RALGAPA2: variants seen among roughly 807,000 people sequenced by gnomAD.
The protein encoded by RALGAPA2 is ral GTPase-activating protein subunit alpha-2.
RALGAPA2 carries 139 observed loss-of-function variants against 230.4 expected under a neutral mutation model. The observed-to-expected ratio is 0.60, with a 90% CI of 0.53 to 0.69. RALGAPA2 has a LOEUF of 0.69. RALGAPA2 is among the 30% of genes least tolerant of loss of function. The probability of loss-of-function intolerance (pLI) is 0.00; values close to 1 mark genes in which losing one functional copy is unlikely to be tolerated. For missense variants in RALGAPA2, 2,163 were observed against 2,276.0 expected (o/e 0.95, Z 1.01); for synonymous variants, 847 against 837.8 (o/e 1.01, Z -0.19).
At chr20:20,513,472 A>G (rs536322609) in intron 31 of RALGAPA2, among the ~76,000 whole-genome samples, 188 bp from the exon 32 acceptor site, 5 of 152,300 alleles carry the variant, frequency 3.3e-5, no homozygotes, top group African/African-American at 1.2e-4. Context: ...TAATTCAGGA[A>G]GGAAAATGGG....
chr20:20,501,445 G>A (rs2062373876), intron 35 of RALGAPA2, among the ~76,000 whole-genome samples: 1 of 152,180 alleles, frequency 6.6e-6, no homozygotes, highest in Non-Finnish European at 1.5e-5. Context: ...ACCTCGGCAA[G>A]CTTCAAACTT....
At chr20:20,602,565 G>A (rs1035339758) in intron 15 of RALGAPA2, among the ~76,000 whole-genome samples, 2 of 152,220 alleles carry the variant, frequency 1.3e-5, no homozygotes, top group African/African-American at 4.8e-5. Context: ...TCCACACCCA[G>A]TTTCCTCTGC....
chr20:20,435,478 A>T (rs1380463751), intron 37 of RALGAPA2, among the ~76,000 whole-genome samples: 3 of 152,232 alleles, frequency 2.0e-5, no homozygotes, highest in Admixed American at 2.0e-4. Flanking sequence ...ACAGAGCAAA[A>T]AAGGAAGGAC....
chr20:20,445,934 C>T (rs916128877), intron 37 of RALGAPA2, among the ~76,000 whole-genome samples: 7 of 152,014 alleles, frequency 4.6e-5, no homozygotes, highest in African/African-American at 1.7e-4. Flanking sequence ...CTAAACAATG[C>T]ACATTTGCTT....
At chr20:20,705,283 T>G (rs1380516442) in intron 1 of RALGAPA2, among the ~76,000 whole-genome samples, 2 of 152,306 alleles carry the variant, frequency 1.3e-5, no homozygotes. Context: ...CAAGGTTCAC[T>G]GTAGCCTTGA....
At chr20:20,397,839 G>A (rs1164229820) in intron 38 of RALGAPA2, among the ~76,000 whole-genome samples, 1 of 152,202 alleles carries the variant, frequency 6.6e-6, no homozygotes, top group Non-Finnish European at 1.5e-5. Flanking sequence ...TTTCTCCCAA[G>A]AAAATTATTT....
intron 37 of RALGAPA2, among the ~76,000 whole-genome samples, chr20:20,463,825 G>A (rs2061355709): frequency 6.6e-6 from 1 of 152,196 alleles, no homozygotes; most frequent in Admixed American, 6.5e-5. Flanking sequence ...AGCAATCCTA[G>A]CAGCACTATG....
chr20:20,444,365 C>T (rs2060811471), intron 37 of RALGAPA2, among the ~76,000 whole-genome samples: 1 of 152,202 alleles, frequency 6.6e-6, no homozygotes, highest in Admixed American at 6.5e-5. Context: ...CTGGGACTCT[C>T]CTACACCCTA....
At chr20:20,481,414 T>C (rs1246286370) in intron 36 of RALGAPA2, among the ~76,000 whole-genome samples, 1 of 152,230 alleles carries the variant, frequency 6.6e-6, no homozygotes, top group East Asian at 1.9e-4. Flanking sequence ...TTGCCATGGA[T>C]GGGCCTACCG....
intron 37 of RALGAPA2, among the ~76,000 whole-genome samples, chr20:20,425,556 T>A (rs2060364909): frequency 6.6e-6 from 1 of 152,166 alleles, no homozygotes; most frequent in Middle Eastern, 3.2e-3. Flanking sequence ...TTATCAGATG[T>A]CAAGAAGAAA....
At chr20:20,582,463 G>C (rs1299653408) in intron 20 of RALGAPA2, among the ~76,000 whole-genome samples, 2 of 152,074 alleles carry the variant, frequency 1.3e-5, no homozygotes, top group Admixed American at 1.3e-4. Context: ...AAAAAATACA[G>C]AGTATGAAGT....
In RALGAPA2 at chr20:20,571,438, A is replaced by G. The variant is rs762154002; in HGVS notation, c.3156+20T>C. The G allele has an allele frequency of 1.2e-6, 2 of 1,600,448 alleles. No individual in the cohort carries two copies. The highest frequency in any genetic ancestry group is 1.7e-6 in the Non-Finnish European group (2 of 1,171,646). The stretch of plus-strand genomic sequence containing the variant: ...TATTTCCAATTAATGGGCAATCACA[A>G]TAAAGGAGTCGCAGAATACCTGATC... On this transcript the variant is annotated intron_variant, in intron 23 of 39. Transcript: ENST00000202677.
intron 14 of RALGAPA2, among the ~76,000 whole-genome samples, chr20:20,606,246 G>A (rs190982582): frequency 6.6e-6 from 1 of 152,102 alleles, no homozygotes; most frequent in East Asian, 1.9e-4. Flanking sequence ...GACTGCTCTG[G>A]TTCTCCCCTT....
Position 20,611,466 on chromosome 20 carries a change from T to G in RALGAPA2, c.1689-40A>C, listed in dbSNP as rs754021649. ...ATAAAAGCTCATATTAATAATCATG[T>G]CTCCAAAGCACTTTAATTTATAGGT... On this transcript the variant is annotated intron_variant, in intron 13 of 39. Coordinates refer to ENST00000202677, the MANE Select transcript of RALGAPA2 (RefSeq NM_020343.4). 30 of 1,587,388 alleles carry G rather than the reference T, an allele frequency of 1.9e-5. 1 individual carries two copies. The highest frequency in any genetic ancestry group is 2.6e-5 in the Non-Finnish European group (30 of 1,166,482).
At chr20:20,615,544 AAAAC>A (rs2066113969) in intron 13 of RALGAPA2, among the ~76,000 whole-genome samples, 1 of 152,238 alleles carries the variant, frequency 6.6e-6, no homozygotes, top group Non-Finnish European at 1.5e-5. Context: ...ACATCAAACA[AAAAC>A]AAAGATGAAA....
rs2066974694 is a variant in RALGAPA2, at chr20:20,639,871, G to A, written c.580C>T (p.Leu194Phe). 1.9e-6 allele frequency: 3 copies of A among 1,613,240 alleles called. No homozygotes were observed. Among genetic ancestry groups the A allele is most frequent in the Non-Finnish European group, 2.5e-6 (3 of 1,179,342 alleles). The change falls in exon 7 of 40, where the codon CTC becomes TTC. Residue 194 changes from leucine to phenylalanine, a missense_variant. Physicochemically the swap from Leu to Phe is conservative, Grantham distance 22 (BLOSUM62 0). Coordinates refer to ENST00000202677, the MANE Select transcript of RALGAPA2 (RefSeq NM_020343.4). ...VKIYPEEITP[L>F]LPAISGEKIA... The stretch of plus-strand genomic sequence containing the variant: ...TTCTCCCCTGATATGGCTGGTAGGA[G>A]TGGAGTGATTTCTTCTGGATATATC...
In RALGAPA2 at chr20:20,396,677, C is replaced by T. The variant is rs1602246385; in HGVS notation, c.*35+18G>A. The T allele has an allele frequency of 6.2e-7, 1 of 1,602,920 alleles. No individual in the cohort carries two copies. Among genetic ancestry groups the T allele is most frequent in the East Asian group, 2.2e-5 (1 of 44,788 alleles). On this transcript the variant is annotated intron_variant, in intron 39 of 39. Coordinates refer to ENST00000202677, the MANE Select transcript of RALGAPA2 (RefSeq NM_020343.4). Reference sequence around the variant, plus strand: ...AAAGCAGGGTGGCTGGACAAATCCACTGAAGTGTCTGTCTTACCTTGCTCA... The same window carrying T: ...AAAGCAGGGTGGCTGGACAAATCCATTGAAGTGTCTGTCTTACCTTGCTCA...
intron 35 of RALGAPA2, among the ~76,000 whole-genome samples, chr20:20,496,840 T>C (rs1272545639): frequency 3.3e-5 from 5 of 152,200 alleles, no homozygotes; most frequent in African/African-American, 1.2e-4. Flanking sequence ...TTCTTCACTC[T>C]CTCATACTTC....
At chr20:20,546,940 C>G in intron 23 of RALGAPA2, 108 bp from the exon 24 acceptor site, 1 of 1,157,748 alleles carries the variant, frequency 8.6e-7, no homozygotes, top group Non-Finnish European at 1.1e-6. Context: ...CAAGAGAGCA[C>G]AGATTACAGA....
Sources: allele counts gnomAD v4.1 joint callset (sites outside exome capture counted in the v4.1 genomes callset), GRCh38; gene constraint gnomAD v4.1.1; transcripts MANE v1.5; gene names NCBI Gene and HGNC (gene_info 2026-07-23, HGNC 2026-07-21).